Variants in NIBAN2 observed in about 807,000 individuals in gnomAD.
NIBAN2 encodes the protein niban apoptosis regulator 2, also known as protein Niban 2.
In NIBAN2, 36 loss-of-function variants were observed where a neutral mutation model predicts 81.8. The observed-to-expected ratio is 0.44, with a 90% CI of 0.34 to 0.58. The LOEUF is 0.58. NIBAN2 is among the 20% of genes least tolerant of loss of function. The probability of loss-of-function intolerance (pLI) is 0.02; values close to 1 mark genes in which losing one functional copy is unlikely to be tolerated. For missense variants in NIBAN2, 897 were observed against 1,014.1 expected (o/e 0.88, Z 1.57); for synonymous variants, 445 against 441.6 (o/e 1.01, Z -0.10).
chr9:127,527,472 C>G (rs1837096636), intron 2 of NIBAN2, 150 bp from the exon 3 acceptor site: 2 of 726,344 alleles, frequency 2.8e-6, no homozygotes, highest in East Asian at 5.4e-5. Context: ...CCCAAGGCCT[C>G]TGAGGCCGGG....
chr9:127,508,214 G>A lies in NIBAN2; in HGVS notation c.1435-14C>T. The A allele has an allele frequency of 6.2e-7, 1 of 1,601,090 alleles. No individual in the cohort carries two copies. Among genetic ancestry groups the A allele is most frequent in the South Asian group, 1.1e-5 (1 of 90,790 alleles). ...GTAGTCGTATTTCTGCAGGGAACAA[G>A]GGGGTCGGGGGTCTGCAGGTCAGTG... On this transcript the variant is annotated splice_polypyrimidine_tract_variant and intron_variant, in intron 11 of 13. Transcript: ENST00000373312. The surrounding 1 kb of genome is among the most constrained non-coding windows in gnomAD (Gnocchi z 6.4).
chr9:127,552,163 C>T (rs936697713), intron 1 of NIBAN2, among the ~76,000 whole-genome samples: 13 of 152,216 alleles, frequency 8.5e-5, no homozygotes, highest in Non-Finnish European at 1.6e-4. Context: ...CCACCCAGCA[C>T]CCCCAGTCCC....
chr9:127,542,659 C>A (rs766210370), intron 1 of NIBAN2, among the ~76,000 whole-genome samples: 6 of 152,228 alleles, frequency 3.9e-5, no homozygotes, highest in African/African-American at 1.4e-4. Flanking sequence ...CGACATTTCC[C>A]CCCCTGCTGG....
At chr9:127,531,502 T>A in intron 2 of NIBAN2, 146 bp downstream of exon 2, 2 of 633,952 alleles carry the variant, frequency 3.2e-6, no homozygotes, top group Non-Finnish European at 4.9e-6. Flanking sequence ...AAAAAATAAT[T>A]AATTTTAAAA....
chr9:127,565,200 A>G (rs1344316151), intron 1 of NIBAN2, among the ~76,000 whole-genome samples: 1 of 152,016 alleles, frequency 6.6e-6, no homozygotes, highest in Non-Finnish European at 1.5e-5. Context: ...CAGCTCAAGC[A>G]ATCCGCCCTC....
At chr9:127,547,385 C>T (rs975859154) in intron 1 of NIBAN2, among the ~76,000 whole-genome samples, 2 of 152,074 alleles carry the variant, frequency 1.3e-5, no homozygotes, top group Non-Finnish European at 2.9e-5. Flanking sequence ...GGCATGGTGG[C>T]GCATGCCTAT....
chr9:127,572,179 T>C (rs1837957317), upstream of NIBAN2, among the ~76,000 whole-genome samples: 1 of 152,088 alleles, frequency 6.6e-6, no homozygotes, highest in Admixed American at 6.6e-5. Context: ...ACCCAGCTAA[T>C]TAAAAAATGT....
At chr9:127,550,430 C>T (rs1056615046) in intron 1 of NIBAN2, among the ~76,000 whole-genome samples, 15 of 152,356 alleles carry the variant, frequency 9.8e-5, no homozygotes, top group African/African-American at 3.6e-4. Context: ...TAGTCATTAG[C>T]ACAACTTTGC....
At chr9:127,534,948 C>T (rs1449638530) in intron 1 of NIBAN2, among the ~76,000 whole-genome samples, 1 of 152,160 alleles carries the variant, frequency 6.6e-6, no homozygotes, top group African/African-American at 2.4e-5. Context: ...GCATTAAACC[C>T]GTGCTACGGC....
intron 2 of NIBAN2, among the ~76,000 whole-genome samples, chr9:127,531,057 G>A (rs1314124989): frequency 2.0e-5 from 3 of 151,918 alleles, no homozygotes; most frequent in African/African-American, 7.3e-5. Context: ...GTGTGCACCT[G>A]TAGTCCCAGT....
rs1297427393 is a variant in NIBAN2 at position 127,545,673 on chromosome 9, T to C, written c.56-13895A>G. Among the ~76,000 whole-genome samples, 1 of 151,560 alleles carries C rather than the reference T, an allele frequency of 6.6e-6. No individual in the cohort carries two copies. Among genetic ancestry groups the C allele is most frequent in the Non-Finnish European group, 1.5e-5 (1 of 67,892 alleles). ...CCACAACAGGTCTGGTGGGGAAGGG[T>C]GAGCTTTGAGGCAGGAGGGCTGGGA... is the stretch of plus-strand genomic sequence containing the variant. On this transcript the variant is annotated intron_variant, in intron 1 of 13. Transcript: ENST00000373312. This position sits in a 1 kb window ranked among gnomAD's most constrained non-coding sequence, Gnocchi z 4.7.
chr9:127,530,717 T>C (rs1837162811), intron 2 of NIBAN2, among the ~76,000 whole-genome samples: 1 of 152,210 alleles, frequency 6.6e-6, no homozygotes, highest in Non-Finnish European at 1.5e-5. Context: ...CTCATCCCAT[T>C]TGACAGATGA....
upstream of NIBAN2, among the ~76,000 whole-genome samples, chr9:127,574,056 A>T (rs2132247996): frequency 6.6e-6 from 1 of 152,298 alleles, no homozygotes; most frequent in East Asian, 1.9e-4. Context: ...TTCTATAGCA[A>T]GGATTTCTGA....
At chr9:127,535,927 T>G (rs1019049238) in intron 1 of NIBAN2, among the ~76,000 whole-genome samples, 9 of 151,926 alleles carry the variant, frequency 5.9e-5, no homozygotes, top group Admixed American at 5.2e-4. Context: ...GAGGGGGTAC[T>G]GAGGGAGCGC....
chr9:127,525,211 G>A, intron 3 of NIBAN2, 48 bp from the exon 4 acceptor site: 1 of 1,454,312 alleles, frequency 6.9e-7, no homozygotes, highest in Non-Finnish European at 9.6e-7. Context: ...GTGCGGCCAA[G>A]CCCAAATCCC....
intron 1 of NIBAN2, among the ~76,000 whole-genome samples, chr9:127,537,581 C>T (rs904732845): frequency 1.3e-5 from 2 of 152,188 alleles, no homozygotes. Context: ...CCTGCCTAAC[C>T]GTGGCTGGGA....
chr9:127,534,834 C>A (rs1404245171), intron 1 of NIBAN2, among the ~76,000 whole-genome samples: 3 of 152,060 alleles, frequency 2.0e-5, no homozygotes, highest in African/African-American at 7.2e-5. Flanking sequence ...AGAGAGGGGG[C>A]AAATGGAAGA....
chr9:127,512,355 G>A (rs1370534150), intron 8 of NIBAN2, among the ~76,000 whole-genome samples: 4 of 147,788 alleles, frequency 2.7e-5, no homozygotes, highest in South Asian at 2.1e-4. Flanking sequence ...GCTCGATCTC[G>A]GCTCACTGCA....
chr9:127,556,556 A>G (rs1036657412), intron 1 of NIBAN2, among the ~76,000 whole-genome samples: 2 of 152,240 alleles, frequency 1.3e-5, no homozygotes, highest in African/African-American at 4.8e-5. Flanking sequence ...ACTCCTCAGC[A>G]TTTCTTGTGC....
Sources: allele counts gnomAD v4.1 joint callset (sites outside exome capture counted in the v4.1 genomes callset), GRCh38; gene constraint gnomAD v4.1.1; non-coding constraint Gnocchi (gnomAD v3.1); transcripts MANE v1.5; gene names NCBI Gene and HGNC (gene_info 2026-07-23, HGNC 2026-07-21).